The following ANKRD13B variants were observed in gnomAD, a reference collection of about 807,000 sequenced individuals.
ANKRD13B encodes the protein ankyrin repeat domain-containing protein 13B.
A neutral mutation model predicts 74.4 loss-of-function variants in ANKRD13B; 33 were observed. That is an observed-to-expected ratio of 0.44 (90% CI 0.34 to 0.59). The LOEUF (loss-of-function observed/expected upper bound fraction) is 0.59, where lower values mean the gene tolerates loss of function less well. Among genes scored for constraint, ANKRD13B ranks in the 20% least tolerant of loss-of-function variants. The probability of loss-of-function intolerance (pLI) is 0.02; values close to 1 mark genes in which losing one functional copy is unlikely to be tolerated. For missense variants in ANKRD13B, 676 were observed against 877.9 expected, an observed-to-expected ratio of 0.77 and a Z score of 2.91; for synonymous variants, 341 against 362.9, an observed-to-expected ratio of 0.94 and a Z score of 0.68.
Position 29,613,453 on chromosome 17 carries a change from G to T in ANKRD13B, c.1752G>T (p.Arg584=). The change falls in exon 15 of 15, where the codon CGG becomes CGT. Residue 584 remains arginine, a synonymous_variant. Coordinates refer to ENST00000394859, the MANE Select transcript of ANKRD13B (RefSeq NM_152345.5). ...CAGGTTCCGGCGGCCACGTGTTCCG[G>T]AGCTACGACGAGCAGCTGCGGCTGG... The part of the protein sequence containing the change: ...SGPGSGGHVF[R]SYDEQLRLAM... The T allele has an allele frequency of 6.5e-7, 1 of 1,532,784 alleles. No homozygotes were observed. 94.9% of individuals were successfully genotyped at this position (1,532,784 alleles called of 1,614,324 possible).
rs780118283 is a variant in ANKRD13B at position 29,612,378 on chromosome 17, G to A, written c.1259-24G>A. On this transcript the variant is annotated intron_variant, in intron 11 of 14. Coordinates refer to ENST00000394859, the MANE Select transcript of ANKRD13B (RefSeq NM_152345.5). This position sits in a 1 kb window ranked among gnomAD's most constrained non-coding sequence, Gnocchi z 6.1. ...GAGGTGTGAGGGGCTGAGTGGTGGC[G>A]CCTAAAGGTTTCCTCATCCTCAGAA... 4 of 1,612,336 alleles carry A rather than the reference G, an allele frequency of 2.5e-6. No individual in the cohort carries two copies. The highest frequency in any genetic ancestry group is 3.4e-6 in the Non-Finnish European group (4 of 1,179,200).
At position 29,607,979 on chromosome 17, in the gene ANKRD13B, C is replaced by T; in HGVS notation, c.251-7C>T. The T allele has an allele frequency of 6.2e-7, 1 of 1,601,384 alleles. No individual in the cohort carries two copies. Among genetic ancestry groups the T allele is most frequent in the Non-Finnish European group, 8.5e-7 (1 of 1,172,846 alleles). The stretch of plus-strand genomic sequence containing the variant: ...CTGCCCTGTGACCTTGCCTCGCCCT[C>T]CCCCAGTGCTCCAGGAGGCTGTGAG... On this transcript the variant is annotated splice_region_variant and splice_polypyrimidine_tract_variant and intron_variant, in intron 2 of 14. Coordinates refer to ENST00000394859, the MANE Select transcript of ANKRD13B (RefSeq NM_152345.5).
rs1352580182 is a variant in ANKRD13B at position 29,593,573 on chromosome 17, G to A, written c.-49G>A. 7.0e-6 allele frequency: 7 copies of A among 1,003,308 alleles called. No homozygotes were observed. The highest frequency in any genetic ancestry group is 5.4e-5 in the Admixed American group (1 of 18,486). The allele number at this position is 1,003,308 out of a possible 1,614,324, so 62.2% of individuals were successfully genotyped here. A position where few individuals can be genotyped will look rare whatever the true frequency, so the allele number is the denominator to read the frequency against. On this transcript the variant is annotated 5_prime_UTR_variant, in exon 1 of 15. Coordinates refer to ENST00000394859, the MANE Select transcript of ANKRD13B (RefSeq NM_152345.5). Reference sequence around the variant, plus strand: ...GGCCCCGGGCCCCGGCTCCGGCGCCGTCCCTCCTCCCCGGCCGGGCGCCGC... The same window carrying A: ...GGCCCCGGGCCCCGGCTCCGGCGCCATCCCTCCTCCCCGGCCGGGCGCCGC...
At chr17:29,599,986 C>T (rs2034108313) in intron 1 of ANKRD13B, among the ~76,000 whole-genome samples, 1 of 146,218 alleles carries the variant, frequency 6.8e-6, no homozygotes, top group African/African-American at 2.5e-5. Context: ...ACACCATTCT[C>T]CTGCCTCAGC....
At chr17:29,601,543 A>G (rs1192754116) in intron 1 of ANKRD13B, among the ~76,000 whole-genome samples, 1 of 152,076 alleles carries the variant, frequency 6.6e-6, no homozygotes, top group Non-Finnish European at 1.5e-5. Flanking sequence ...TTATACATTT[A>G]ACATTTTTTG....
intron 1 of ANKRD13B, among the ~76,000 whole-genome samples, chr17:29,603,803 C>A (rs970406199): frequency 6.6e-6 from 1 of 151,752 alleles, no homozygotes; most frequent in Middle Eastern, 3.4e-3. Context: ...ATTGAGCCAT[C>A]TATCATCTTT....
rs1175497303 is a variant in ANKRD13B at position 29,593,729 on chromosome 17, G to A, written c.108G>A (p.Ala36=). 12 of 1,416,398 alleles carry A rather than the reference G, an allele frequency of 8.5e-6. No homozygotes were observed. Among genetic ancestry groups the A allele is most frequent in the Non-Finnish European group, 9.3e-7 (1 of 1,074,150 alleles). 87.7% of individuals were successfully genotyped at this position (1,416,398 alleles called of 1,614,324 possible). ...RHRELEKEVR[A]GQVDIEQLDP... is the part of the protein sequence containing the mutation. ...GCGAGCTGGAGAAGGAGGTCCGCGC[G>A]GGCCAGGTAGGAGCGCCTTCGGGGC... Residue 36 remains alanine, a synonymous_variant, in exon 1 of 15, where the codon GCG becomes GCA. Coordinates refer to ENST00000394859, the MANE Select transcript of ANKRD13B (RefSeq NM_152345.5).
rs2034615236 is a variant in ANKRD13B at position 29,612,412 on chromosome 17, C to A, written c.1269C>A (p.Ile423=). The A allele has an allele frequency of 6.2e-7, 1 of 1,612,368 alleles. No homozygotes were observed. Among genetic ancestry groups the A allele is most frequent in the African/African-American group, 1.3e-5 (1 of 74,904 alleles). Residue 423 remains isoleucine, a synonymous_variant, in exon 12 of 15, where the codon ATC becomes ATA. Transcript: ENST00000394859. This position sits in a 1 kb window ranked among gnomAD's most constrained non-coding sequence, Gnocchi z 6.1. ...TTTCCTCATCCTCAGAAATCCCGAT[C>A]TTCCACATCCTCAACGCCCGCATCA... ...PGFPVKIEIP[I]FHILNARITF...
rs142597451 is a variant in ANKRD13B at position 29,601,162 on chromosome 17, G to C, written c.115-6580G>C. ...TGGTTTCAAACTCCTGGGCTCAAGT[G>C]ATCTGCCCACCTCGGCCTCCCAAAG... On this transcript the variant is annotated intron_variant, in intron 1 of 14. Coordinates refer to ENST00000394859, the MANE Select transcript of ANKRD13B (RefSeq NM_152345.5). 1.5e-4 allele frequency among the ~76,000 whole-genome samples: 23 copies of C among 151,194 alleles called. No homozygotes were observed. In the East Asian group the frequency reaches 4.5e-3, roughly 29 times the overall value.
rs1431851180 is a variant in ANKRD13B, at chr17:29,593,278, C to T, written c.-344C>T. Among the ~76,000 whole-genome samples, 2 of 148,628 alleles carry T rather than the reference C, an allele frequency of 1.3e-5. No homozygotes were observed. Among genetic ancestry groups the T allele is most frequent in the African/African-American group, 2.4e-5 (1 of 41,014 alleles). On this transcript the variant is annotated 5_prime_UTR_variant, in exon 1 of 15. Coordinates refer to ENST00000394859, the MANE Select transcript of ANKRD13B (RefSeq NM_152345.5). Reference sequence around the variant, plus strand: ...GGCCCGCGTCCCGTGCGCCCCCGCGCCCGCTGCGGGCGCCTGCTCCCTCCG... The same window carrying T: ...GGCCCGCGTCCCGTGCGCCCCCGCGTCCGCTGCGGGCGCCTGCTCCCTCCG...
At position 29,593,665 on chromosome 17, in the gene ANKRD13B, A is replaced by C. The variant is rs990518172; in HGVS notation, c.44A>C (p.Lys15Thr). 2.1e-6 allele frequency: 3 copies of C among 1,427,080 alleles called. No individual in the cohort carries two copies. Among genetic ancestry groups the C allele is most frequent in the African/African-American group, 3.0e-5 (2 of 67,068 alleles). 88.4% of individuals were successfully genotyped at this position (1,427,080 alleles called of 1,614,324 possible). A position where few individuals can be genotyped will look rare whatever the true frequency, so the allele number is the denominator to read the frequency against. The change falls in exon 1 of 15, where the codon AAG becomes ACG. Residue 15 changes from lysine to threonine, a missense_variant. Lys to Thr is a moderately conservative substitution (Grantham distance 78, BLOSUM62 -1). Transcript: ENST00000394859. ...NASARKGPEG[K>T]YPLHYLVWHN... ...TCCGCCAGGAAGGGGCCCGAGGGCA[A>C]GTATCCGCTGCACTACCTCGTGTGG...
rs374594772 is a variant in ANKRD13B at position 29,609,058 on chromosome 17, T to C, written c.566-28T>C. The C allele has an allele frequency of 1.1e-3, 1,752 of 1,612,254 alleles. 4 individuals are homozygous for C. The highest frequency in any genetic ancestry group is 1.7e-3 in the Admixed American group (104 of 60,022). On this transcript the variant is annotated intron_variant, in intron 5 of 14. Coordinates refer to ENST00000394859, the MANE Select transcript of ANKRD13B (RefSeq NM_152345.5). The surrounding 1 kb of genome is among the most constrained non-coding windows in gnomAD (Gnocchi z 4.0). Reference sequence around the variant, plus strand: ...GGAGGCAGCCCCAGGCCACCCCTGATCCCCCTGTGCTGTTCCGTGTCTGGC... The same window carrying C: ...GGAGGCAGCCCCAGGCCACCCCTGACCCCCCTGTGCTGTTCCGTGTCTGGC...
intron 1 of ANKRD13B, among the ~76,000 whole-genome samples, chr17:29,602,977 A>G (rs558685451): frequency 5.9e-5 from 9 of 152,100 alleles, no homozygotes; most frequent in Non-Finnish European, 1.3e-4. Flanking sequence ...TCAGCCCCCA[A>G]GTAGCTGGGA....
intron 1 of ANKRD13B, among the ~76,000 whole-genome samples, chr17:29,597,176 C>T (rs936043858): frequency 1.3e-5 from 2 of 152,200 alleles, no homozygotes; most frequent in Admixed American, 1.3e-4. Flanking sequence ...TTAGTCCATA[C>T]ATGAGATGTA....
In ANKRD13B at chr17:29,613,546, G is replaced by T; in HGVS notation, c.1845G>T (p.Leu615=). 6.6e-7 allele frequency: 1 copy of T among 1,520,402 alleles called. No homozygotes were observed. 94.2% of individuals were successfully genotyped at this position (1,520,402 alleles called of 1,614,324 possible). The part of the protein sequence containing the change: ...RRRARQEEEE[L]ERILRLSLTE... ...GCGCGCGCCAGGAGGAGGAGGAGCT[G>T]GAGCGCATCCTGAGGCTCTCACTGA... is the stretch of plus-strand genomic sequence containing the variant. Residue 615 remains leucine (L), a synonymous_variant, in exon 15 of 15, where the codon CTG becomes CTT. Transcript: ENST00000394859.
chr17:29,600,396 G>T (rs2034126822), intron 1 of ANKRD13B, among the ~76,000 whole-genome samples: 1 of 152,178 alleles, frequency 6.6e-6, no homozygotes, highest in Non-Finnish European at 1.5e-5. Flanking sequence ...TCCTACTCGG[G>T]TAGATAGGGT....
chr17:29,598,394 G>A (rs2034033882), intron 1 of ANKRD13B, among the ~76,000 whole-genome samples: 1 of 151,846 alleles, frequency 6.6e-6, no homozygotes, highest in Non-Finnish European at 1.5e-5. Context: ...AGTGCTCCTT[G>A]CTCCGCCTCT....
In ANKRD13B at chr17:29,593,737, T is replaced by G; in HGVS notation, c.114+2T>G. 7.2e-7 allele frequency: 1 copy of G among 1,395,898 alleles called. No homozygotes were observed. The highest frequency in any genetic ancestry group is 9.4e-7 in the Non-Finnish European group (1 of 1,064,744). The allele number at this position is 1,395,898 out of a possible 1,614,324, so 86.5% of individuals were successfully genotyped here. On this transcript the variant is annotated splice_donor_variant, in intron 1 of 14. Transcript: ENST00000394859. LOFTEE classifies it high-confidence loss of function. ...GAGAAGGAGGTCCGCGCGGGCCAGG[T>G]AGGAGCGCCTTCGGGGCGCCGCGGG...
intron 1 of ANKRD13B, among the ~76,000 whole-genome samples, chr17:29,603,350 T>C (rs1188024280): frequency 6.6e-6 from 1 of 152,112 alleles, no homozygotes; most frequent in Admixed American, 6.5e-5. Context: ...CAAGGGATCC[T>C]CCTGCCTCAG....
Sources: gnomAD v4.1 joint callset for allele counts (sites outside exome capture counted in the v4.1 genomes callset) on GRCh38, gnomAD v4.1.1 for gene constraint, Gnocchi (gnomAD v3.1) non-coding constraint, MANE v1.5 for transcripts, NCBI Gene and HGNC (gene_info 2026-07-23, HGNC 2026-07-21) for gene names.